The following WWOX variants were observed in gnomAD, a reference collection of about 807,000 sequenced individuals.
The protein encoded by WWOX is WW domain containing oxidoreductase.
WWOX carries 69 observed loss-of-function variants against 46.2 expected under a neutral mutation model. That is an observed-to-expected ratio of 1.49 (90% CI 1.23 to 1.82). WWOX has a LOEUF of 1.82. Ranked by LOEUF, WWOX falls within the 40% of genes most tolerant of loss-of-function variation. The pLI, the probability that WWOX is intolerant of heterozygous loss-of-function variation, is 0.00. For missense variants in WWOX, 919 were observed against 542.6 expected (o/e 1.69, Z -6.89); for synonymous variants, 359 against 202.6 (o/e 1.77, Z -6.56).
chr16:79,099,851 A>G (rs1027750099), intron 8 of WWOX, among the ~76,000 whole-genome samples: 1 of 152,168 alleles, frequency 6.6e-6, no homozygotes, highest in Non-Finnish European at 1.5e-5. Flanking sequence ...TGAGTAGGAG[A>G]TATATAGAAA....
chr16:78,339,079 G>A (rs1376112795), intron 5 of WWOX, among the ~76,000 whole-genome samples: 1 of 119,660 alleles, frequency 8.4e-6, no homozygotes, highest in African/African-American at 2.8e-5. Flanking sequence ...CTACTTTGGT[G>A]CCCCATGATG....
chr16:79,191,271 G>T (rs544435678), intron 8 of WWOX, among the ~76,000 whole-genome samples: 5 of 151,790 alleles, frequency 3.3e-5, no homozygotes, highest in African/African-American at 9.7e-5. Context: ...GCCCAGGCTG[G>T]TCTCGAACTC....
chr16:78,908,181 A>G (rs2045015436), intron 8 of WWOX, among the ~76,000 whole-genome samples: 1 of 152,176 alleles, frequency 6.6e-6, no homozygotes, highest in Non-Finnish European at 1.5e-5. Flanking sequence ...GTAATTGCCC[A>G]ACGGGTTCTC....
chr16:78,748,981 C>T (rs1486321098), intron 8 of WWOX, among the ~76,000 whole-genome samples: 1 of 152,214 alleles, frequency 6.6e-6, no homozygotes, highest in Non-Finnish European at 1.5e-5. Context: ...TTGAACCTGA[C>T]CAAATCAACG....
intron 5 of WWOX, among the ~76,000 whole-genome samples, chr16:78,170,091 C>T (rs925357086): frequency 3.3e-5 from 5 of 152,042 alleles, no homozygotes; most frequent in Non-Finnish European, 5.9e-5. Context: ...GAGTCTATTA[C>T]CCTCTCATAT....
At chr16:78,490,505 C>T (rs569190378) in intron 8 of WWOX, among the ~76,000 whole-genome samples, 3 of 152,226 alleles carry the variant, frequency 2.0e-5, no homozygotes, top group African/African-American at 4.8e-5. Flanking sequence ...ACAAGGAGGT[C>T]ACGAACATGC....
At chr16:79,181,785 C>G (rs934987713) in intron 8 of WWOX, among the ~76,000 whole-genome samples, 2 of 152,274 alleles carry the variant, frequency 1.3e-5, no homozygotes, top group African/African-American at 4.8e-5. Flanking sequence ...TCTTTTAAAT[C>G]TCAGCCTGCA....
At chr16:78,988,141 G>C (rs896426750) in intron 8 of WWOX, among the ~76,000 whole-genome samples, 1 of 151,928 alleles carries the variant, frequency 6.6e-6, no homozygotes, top group African/African-American at 2.4e-5. Context: ...TCAGGAGTTT[G>C]AGACCAGTCT....
At chr16:78,982,675 T>A (rs973003210) in intron 8 of WWOX, among the ~76,000 whole-genome samples, 1 of 152,182 alleles carries the variant, frequency 6.6e-6, no homozygotes, top group African/African-American at 2.4e-5. Context: ...CTGTTAATAT[T>A]TTAGACCGGG....
At chr16:78,762,603 G>A (rs992158946) in intron 8 of WWOX, among the ~76,000 whole-genome samples, 1 of 152,196 alleles carries the variant, frequency 6.6e-6, no homozygotes, top group Non-Finnish European at 1.5e-5. Context: ...GGGCACAGGG[G>A]GCTCGGGGCA....
At chr16:78,634,405 G>C (rs2046513785) in intron 8 of WWOX, among the ~76,000 whole-genome samples, 3 of 152,082 alleles carry the variant, frequency 2.0e-5, no homozygotes, top group Admixed American at 2.0e-4. Context: ...AGCAAGTGGA[G>C]CTGTTCAAAG....
At chr16:79,132,400 T>C (rs988520694) in intron 8 of WWOX, among the ~76,000 whole-genome samples, 1 of 152,210 alleles carries the variant, frequency 6.6e-6, no homozygotes, top group African/African-American at 2.4e-5. Flanking sequence ...TAACGCTTCA[T>C]GAGAGACAAC....
intron 5 of WWOX, among the ~76,000 whole-genome samples, chr16:78,384,197 T>C (rs1233729129): frequency 6.6e-6 from 1 of 152,180 alleles, no homozygotes; most frequent in African/African-American, 2.4e-5. Flanking sequence ...GCAATTTCTT[T>C]ACCACCCCCT....
At chr16:78,462,217 A>C (rs2151424334) in intron 8 of WWOX, among the ~76,000 whole-genome samples, 1 of 152,170 alleles carries the variant, frequency 6.6e-6, no homozygotes, top group East Asian at 1.9e-4. Context: ...GATGATCCTA[A>C]ATATCTTTCT....
At chr16:78,658,823 G>C (rs890975279) in intron 8 of WWOX, among the ~76,000 whole-genome samples, 1 of 151,822 alleles carries the variant, frequency 6.6e-6, no homozygotes, top group African/African-American at 2.4e-5. Context: ...TGGGCACGGT[G>C]GCTCATGCCT....
intron 8 of WWOX, among the ~76,000 whole-genome samples, chr16:78,532,098 G>C (rs1263394856): frequency 1.3e-5 from 2 of 151,436 alleles, no homozygotes. Context: ...TATGCATTTG[G>C]GAGTGGAAGA....
chr16:79,086,683 C>A (rs1312790152), intron 8 of WWOX, among the ~76,000 whole-genome samples: 1 of 152,092 alleles, frequency 6.6e-6, no homozygotes, highest in Non-Finnish European at 1.5e-5. Flanking sequence ...GAGTTTGAGA[C>A]CTGCTTGGGC....
In WWOX at chr16:78,340,782, C is replaced by T. The variant is rs1277717828; in HGVS notation, c.517-46078C>T. Among the ~76,000 whole-genome samples the T allele has an allele frequency of 1.7e-5, 2 of 117,694 alleles. 1 individual carries two copies. The highest frequency in any genetic ancestry group is 4.0e-5 in the Non-Finnish European group (2 of 49,686). 77.2% of individuals were successfully genotyped at this position (117,694 alleles called of 152,430 possible). On this transcript the variant is annotated intron_variant, in intron 5 of 8. Coordinates refer to ENST00000566780, the MANE Select transcript of WWOX (RefSeq NM_016373.4). ...GCTCTGACTGCTAGAGTTCTAGAGC[C>T]AAGTGAGGGGGAGAGTTCTGAGTCT...
chr16:78,170,118 G>A (rs1352233811), intron 5 of WWOX, among the ~76,000 whole-genome samples: 1 of 152,100 alleles, frequency 6.6e-6, no homozygotes, highest in Non-Finnish European at 1.5e-5. Flanking sequence ...GGTGACCCAA[G>A]TATGTTTGTG....
Sources: allele counts gnomAD v4.1 joint callset (sites outside exome capture counted in the v4.1 genomes callset), GRCh38; gene constraint gnomAD v4.1.1; transcripts MANE v1.5; gene names NCBI Gene and HGNC (gene_info 2026-07-23, HGNC 2026-07-21).